The following NSMCE2 variants were observed in gnomAD, a reference collection of about 807,000 sequenced individuals.
NSMCE2 encodes the protein NSE2 SUMO ligase component of SMC5/6 complex, also known as E3 SUMO-protein ligase NSE2.
A neutral mutation model predicts 23.8 loss-of-function variants in NSMCE2; 24 were observed. The ratio of observed to expected loss-of-function variants is 1.01; its 90% confidence interval spans 0.73 to 1.42. NSMCE2 has a LOEUF of 1.42. Among genes scored for constraint, NSMCE2 ranks in the 40% most tolerant of loss-of-function variants. The pLI, the probability that NSMCE2 is intolerant of heterozygous loss-of-function variation, is 0.00. For missense variants in NSMCE2, 284 were observed against 296.5 expected, an observed-to-expected ratio of 0.96 and a Z score of 0.31; for synonymous variants, 92 against 94.1, an observed-to-expected ratio of 0.98 and a Z score of 0.13.
chr8:125,107,188 C>CT (rs71295817), intron 3 of NSMCE2, among the ~76,000 whole-genome samples: 42,278 of 119,612 alleles, frequency 0.35, 9,814 homozygotes, highest in African/African-American at 0.63. Context: ...CAAGGACATT[C>CT]TTTTTTTTTT....
chr8:125,168,880 A>G (rs1031822980), intron 4 of NSMCE2, among the ~76,000 whole-genome samples: 4 of 152,218 alleles, frequency 2.6e-5, no homozygotes, highest in African/African-American at 4.8e-5. Flanking sequence ...TGTAGTGCCT[A>G]GTATGTCTAA....
intron 5 of NSMCE2, among the ~76,000 whole-genome samples, chr8:125,288,157 G>A (rs771798207): frequency 2.6e-5 from 4 of 152,020 alleles, no homozygotes; most frequent in African/African-American, 4.8e-5. Context: ...GGGCAATTGC[G>A]CTTCTTTCTA....
chr8:125,344,907 T>C (rs1830380174), intron 5 of NSMCE2, among the ~76,000 whole-genome samples: 1 of 151,972 alleles, frequency 6.6e-6, no homozygotes, highest in Non-Finnish European at 1.5e-5. Context: ...ATTTTGTGAG[T>C]CATAATTCTA....
At chr8:125,170,369 T>A (rs2130763247) in intron 4 of NSMCE2, among the ~76,000 whole-genome samples, 1 of 116,822 alleles carries the variant, frequency 8.6e-6, no homozygotes, top group African/African-American at 3.3e-5. Flanking sequence ...AACCTTACTC[T>A]TTATTTCTTT....
intron 5 of NSMCE2, among the ~76,000 whole-genome samples, chr8:125,286,448 G>A (rs541373448): frequency 1.3e-5 from 2 of 151,934 alleles, no homozygotes; most frequent in South Asian, 4.2e-4. Flanking sequence ...AAGTAGCTGG[G>A]ATTACAGGCG....
At chr8:125,342,984 T>G (rs943778980) in intron 5 of NSMCE2, among the ~76,000 whole-genome samples, 3 of 152,236 alleles carry the variant, frequency 2.0e-5, no homozygotes, top group Admixed American at 2.0e-4. Context: ...CCTGACTTTT[T>G]TTTTAAACGA....
At chr8:125,261,669 A>T (rs1488559337) in intron 5 of NSMCE2, among the ~76,000 whole-genome samples, 1 of 152,154 alleles carries the variant, frequency 6.6e-6, no homozygotes, top group Non-Finnish European at 1.5e-5. Context: ...TTCATAACCA[A>T]GGGATTTAAA....
intron 5 of NSMCE2, among the ~76,000 whole-genome samples, chr8:125,212,145 C>T (rs1024761682): frequency 6.6e-6 from 1 of 152,196 alleles, no homozygotes; most frequent in Non-Finnish European, 1.5e-5. Flanking sequence ...TTAACATTGT[C>T]AGTATCTGTT....
chr8:125,139,595 C>T (rs1820251831), intron 3 of NSMCE2, among the ~76,000 whole-genome samples: 1 of 152,160 alleles, frequency 6.6e-6, no homozygotes, highest in South Asian at 2.1e-4. Flanking sequence ...GGCAACTCTC[C>T]TTTATAAAAT....
At chr8:125,240,238 C>T (rs1347100416) in intron 5 of NSMCE2, among the ~76,000 whole-genome samples, 1 of 151,878 alleles carries the variant, frequency 6.6e-6, no homozygotes, top group East Asian at 1.9e-4. Context: ...CATTCTTCTG[C>T]CTCAGCCTCC....
At chr8:125,135,487 T>G (rs945861630) in intron 3 of NSMCE2, among the ~76,000 whole-genome samples, 3 of 152,230 alleles carry the variant, frequency 2.0e-5, no homozygotes, top group African/African-American at 7.2e-5. Flanking sequence ...GATTTTCTTC[T>G]GTATTTTTCT....
intron 5 of NSMCE2, among the ~76,000 whole-genome samples, chr8:125,247,946 G>T (rs1049909145): frequency 1.3e-5 from 2 of 152,164 alleles, no homozygotes; most frequent in Admixed American, 6.5e-5. Flanking sequence ...ATGGGAGAAT[G>T]ACAGTAAACA....
chr8:125,286,981 C>T lies in NSMCE2; in HGVS notation c.419-70238C>T, dbSNP rs1449747159. ...AGGTGAACTCCCGATCTCACTGTAACGTGCCTCCTCTGTAGGGTGGTTTTA... is the reference window on the plus strand; with the variant it reads ...AGGTGAACTCCCGATCTCACTGTAATGTGCCTCCTCTGTAGGGTGGTTTTA... On this transcript the variant is annotated intron_variant, in intron 5 of 7. Coordinates refer to ENST00000287437, the MANE Select transcript of NSMCE2 (RefSeq NM_173685.4). Among the ~76,000 whole-genome samples, 6 of 152,148 alleles carry T rather than the reference C, an allele frequency of 3.9e-5. No individual in the cohort carries two copies. The South Asian group carries it at 8.3e-4, about 21-fold the overall frequency.
At chr8:125,326,721 C>T (rs1475298140) in intron 5 of NSMCE2, among the ~76,000 whole-genome samples, 3 of 151,918 alleles carry the variant, frequency 2.0e-5, no homozygotes, top group East Asian at 1.9e-4. Flanking sequence ...TTTGGGAGGC[C>T]GAGGCAGGTG....
rs533174184 is a variant in NSMCE2 at position 125,206,254 on chromosome 8, A to G, written c.418+23998A>G. ...AATCCAGTTAGATCAGATCATATGTATATGGGAGAAAAGATTACAAGGGTA... is the reference window on the plus strand; with the variant it reads ...AATCCAGTTAGATCAGATCATATGTGTATGGGAGAAAAGATTACAAGGGTA... On this transcript the variant is annotated intron_variant, in intron 5 of 7. Transcript: ENST00000287437. 3.3e-5 allele frequency among the ~76,000 whole-genome samples: 5 copies of G among 152,346 alleles called. No individual in the cohort carries two copies. In the South Asian group the frequency reaches 1.0e-3, roughly 32 times the overall value.
intron 5 of NSMCE2, among the ~76,000 whole-genome samples, chr8:125,252,618 A>G (rs941634192): frequency 2.6e-5 from 4 of 152,374 alleles, no homozygotes; most frequent in East Asian, 1.9e-4. Flanking sequence ...CTTATTATCA[A>G]TGAGGTCTTG....
intron 5 of NSMCE2, among the ~76,000 whole-genome samples, chr8:125,200,934 A>G (rs543836328): frequency 6.6e-6 from 1 of 152,130 alleles, no homozygotes; most frequent in East Asian, 1.9e-4. Context: ...TCAATCACTG[A>G]TATCATTTCT....
chr8:125,339,003 A>T (rs1400350497), intron 5 of NSMCE2, among the ~76,000 whole-genome samples: 1 of 152,222 alleles, frequency 6.6e-6, no homozygotes, highest in East Asian at 1.9e-4. Context: ...AAAGTGCCTC[A>T]TCACAAGATG....
At chr8:125,362,134 C>T (rs898184344) in intron 7 of NSMCE2, among the ~76,000 whole-genome samples, 1 of 152,226 alleles carries the variant, frequency 6.6e-6, no homozygotes, top group African/African-American at 2.4e-5. Context: ...GACTCCTGCA[C>T]AGCGATGATG....
Sources: allele counts gnomAD v4.1 joint callset (sites outside exome capture counted in the v4.1 genomes callset), GRCh38; gene constraint gnomAD v4.1.1; transcripts MANE v1.5; gene names NCBI Gene and HGNC (gene_info 2026-07-23, HGNC 2026-07-21).